EFHB: variants seen among roughly 807,000 people sequenced by gnomAD.
The protein encoded by EFHB is EF-hand domain-containing family member B.
A neutral mutation model predicts 87.2 loss-of-function variants in EFHB; 91 were observed. The ratio of observed to expected loss-of-function variants is 1.04; its 90% confidence interval spans 0.88 to 1.24. The LOEUF is 1.24. Ranked by LOEUF, EFHB falls within the 50% of genes most tolerant of loss-of-function variation. EFHB has a pLI of 0.00. For missense variants in EFHB, 1,084 were observed against 998.8 expected, an observed-to-expected ratio of 1.09 and a Z score of -1.15; for synonymous variants, 325 against 333.6, an observed-to-expected ratio of 0.97 and a Z score of 0.28.
intron 9 of EFHB, among the ~76,000 whole-genome samples, chr3:19,890,122 C>T (rs562934016): frequency 6.6e-6 from 1 of 152,142 alleles, no homozygotes; most frequent in Non-Finnish European, 1.5e-5. Context: ...GATAAATTAC[C>T]GCCTAATATG....
chr3:19,883,928 G>A (rs1425296899), intron 11 of EFHB, among the ~76,000 whole-genome samples: 1 of 152,192 alleles, frequency 6.6e-6, no homozygotes, highest in African/African-American at 2.4e-5. Flanking sequence ...CAAGCCTCCA[G>A]AACTGTGAGA....
At chr3:19,894,989 A>AAAATATATATATAT (rs369564576) in intron 9 of EFHB, 4 of 144,524 alleles carry the variant, frequency 2.8e-5, no homozygotes, top group African/African-American at 7.9e-5. Context: ...TGTCTCAAAA[A>AAAATATATATATAT]ATATATATAT....
upstream of EFHB, chr3:19,936,018 A>AG (rs1696008065): frequency 9.0e-6 from 10 of 1,107,258 alleles, no homozygotes; most frequent in Admixed American, 4.5e-5. Context: ...CAAAAAAAAA[A>AG]AAAAAAAAAA....
intron 1 of EFHB, among the ~76,000 whole-genome samples, chr3:19,944,544 T>G (rs562305894): frequency 6.6e-6 from 1 of 152,206 alleles, no homozygotes; most frequent in South Asian, 2.1e-4. Context: ...AGAGCTTTAC[T>G]GTGTCATTTC....
intron 12 of EFHB, 116 bp from the exon 13 acceptor site, chr3:19,879,920 G>A (rs1022542957): frequency 1.1e-6 from 1 of 889,002 alleles, no homozygotes; most frequent in Non-Finnish European, 1.6e-6. Context: ...TGTGTGAAAA[G>A]TATGTGTGTG....
At chr3:19,906,696 T>C (rs975486790) in intron 5 of EFHB, among the ~76,000 whole-genome samples, 3 of 78,282 alleles carry the variant, frequency 3.8e-5, no homozygotes, top group African/African-American at 2.0e-4. Flanking sequence ...TTCACAGAAA[T>C]AGAAAAAAAA....
chr3:19,923,165 G>A (rs899611241), intron 1 of EFHB, among the ~76,000 whole-genome samples: 1 of 152,006 alleles, frequency 6.6e-6, no homozygotes, highest in Admixed American at 6.6e-5. Flanking sequence ...TACTTGGGAG[G>A]CCCAGGCAGG....
chr3:19,911,014 A>T (rs1695045254), intron 5 of EFHB, among the ~76,000 whole-genome samples: 1 of 152,198 alleles, frequency 6.6e-6, no homozygotes, highest in Non-Finnish European at 1.5e-5. Flanking sequence ...GACTACAATA[A>T]ATACCTAACT....
intron 2 of EFHB, 71 bp downstream of exon 2, chr3:19,920,434 G>T: frequency 7.8e-7 from 1 of 1,274,816 alleles, no homozygotes; most frequent in Non-Finnish European, 1.1e-6. Flanking sequence ...AAGGAACGTT[G>T]AGTTGCCTAT....
intron 5 of EFHB, among the ~76,000 whole-genome samples, chr3:19,908,580 GAGAGAGAGAGAGAGAGAGAGAAAGAA>G (rs1559459557): frequency 8.5e-6 from 1 of 117,786 alleles, no homozygotes; most frequent in African/African-American, 3.8e-5. Context: ...GAGAGAGAGA[GAGAGAGAGAGAGAGAGAGAGAAAGAA>G]AGAAAGAAAG....
intron 10 of EFHB, 81 bp downstream of exon 10, chr3:19,888,363 C>T: frequency 2.5e-6 from 2 of 788,114 alleles, no homozygotes; most frequent in East Asian, 4.5e-5. Flanking sequence ...ATAGTGAGAC[C>T]TCGTCTGTAT....
At chr3:19,897,453 G>A (rs1296497533) in intron 8 of EFHB, among the ~76,000 whole-genome samples, 2 of 152,138 alleles carry the variant, frequency 1.3e-5, no homozygotes, top group Non-Finnish European at 2.9e-5. Context: ...TGCTCCAGAT[G>A]TGGCGGCTCG....
chr3:19,887,901 T>C (rs908715650), intron 10 of EFHB, among the ~76,000 whole-genome samples: 1 of 152,110 alleles, frequency 6.6e-6, no homozygotes, highest in Admixed American at 6.6e-5. Flanking sequence ...TTTAAACAGG[T>C]TTCTGAGAAA....
At chr3:19,929,708 CAAAA>C (rs34016968) in intron 1 of EFHB, among the ~76,000 whole-genome samples, 3 of 79,816 alleles carry the variant, frequency 3.8e-5, no homozygotes, top group South Asian at 1.0e-3. Context: ...GACTCCATCT[CAAAA>C]AAAAAAAAAA....
Position 19,946,594 on chromosome 3 carries a change from G to A in EFHB, c.-32+325C>T, listed in dbSNP as rs189928021. Reference sequence around the variant, plus strand: ...TAAAGGCGGCTTTTGGGATAGGGAGGGTCCTTTCTTCCTCCTTGGGGTAAA... The same window carrying A: ...TAAAGGCGGCTTTTGGGATAGGGAGAGTCCTTTCTTCCTCCTTGGGGTAAA... On this transcript the variant is annotated intron_variant, in intron 1 of 14. Coordinates refer to the EFHB transcript ENST00000344838. 9.1e-3 allele frequency among the ~76,000 whole-genome samples: 1,388 copies of A among 152,198 alleles called. 21 individuals are homozygous for A. Among genetic ancestry groups the A allele is most frequent in the African/African-American group, 0.032 (1,313 of 41,514 alleles).
At chr3:19,934,432 G>GCCCACT (rs1695959026), upstream of EFHB, among the ~76,000 whole-genome samples, 1 of 45,474 alleles carries the variant, frequency 2.2e-5, no homozygotes. Flanking sequence ...CCTCTCCTTT[G>GCCCACT]CCCTCTCCCT....
At chr3:19,910,751 C>T (rs570088144) in intron 5 of EFHB, among the ~76,000 whole-genome samples, 1 of 152,152 alleles carries the variant, frequency 6.6e-6, no homozygotes, top group Non-Finnish European at 1.5e-5. Flanking sequence ...GGCTCAGAAC[C>T]GAGAGAAAGA....
At chr3:19,922,788 G>A (rs1167370688) in intron 1 of EFHB, among the ~76,000 whole-genome samples, 6 of 152,176 alleles carry the variant, frequency 3.9e-5, no homozygotes, top group African/African-American at 7.2e-5. Context: ...CATAGAGATC[G>A]TTGAGAATTA....
chr3:19,922,231 A>G (rs1695461019), intron 1 of EFHB, among the ~76,000 whole-genome samples: 1 of 152,244 alleles, frequency 6.6e-6, no homozygotes, highest in Admixed American at 6.5e-5. Context: ...CCACTTTTGC[A>G]TATGGATTAT....
Sources: gnomAD v4.1 joint callset for allele counts (sites outside exome capture counted in the v4.1 genomes callset) on GRCh38, gnomAD v4.1.1 for gene constraint, MANE v1.5 for transcripts, NCBI Gene and HGNC (gene_info 2026-07-23, HGNC 2026-07-21) for gene names.